PARD3: variants seen among roughly 807,000 people sequenced by gnomAD.
The protein encoded by PARD3 is partitioning defective 3 homolog.
Under a neutral mutation model 155.4 loss-of-function variants are expected in PARD3, and 75 were observed. The ratio of observed to expected loss-of-function variants is 0.48; its 90% CI spans 0.40 to 0.58. PARD3 has a LOEUF of 0.58. Ranked by LOEUF, PARD3 falls within the 20% of genes least tolerant of loss-of-function variation. PARD3 has a pLI of 0.00. For missense variants in PARD3, 1,642 were observed against 1,721.7 expected (o/e 0.95, Z 0.82); for synonymous variants, 576 against 610.5 (o/e 0.94, Z 0.83).
chr10:34,776,006 A>C (rs1352375740), intron 1 of PARD3, among the ~76,000 whole-genome samples: 2 of 152,126 alleles, frequency 1.3e-5, no homozygotes, highest in African/African-American at 4.8e-5. Context: ...AGAAGGATTG[A>C]TTGAGCTCAG....
At chr10:34,803,256 CA>C (rs1435788705) in intron 1 of PARD3, among the ~76,000 whole-genome samples, 222 of 88,198 alleles carry the variant, frequency 2.5e-3, no homozygotes, top group Middle Eastern at 0.016. Flanking sequence ...TAAATAATAA[CA>C]AAAAAAAAAA....
At chr10:34,145,247 A>T (rs1303180924) in intron 22 of PARD3, among the ~76,000 whole-genome samples, 588 of 56,374 alleles carry the variant, frequency 0.01, 6 homozygotes, top group African/African-American at 0.036. Flanking sequence ...TTTTTACAGG[A>T]TCTTCTCTTT....
chr10:34,267,627 G>A (rs1241659600), intron 22 of PARD3, among the ~76,000 whole-genome samples: 1 of 152,136 alleles, frequency 6.6e-6, no homozygotes, highest in African/African-American at 2.4e-5. Context: ...GTTACCTGTT[G>A]CATCTGCAAA....
chr10:34,810,870 C>T (rs1048075593), intron 1 of PARD3, among the ~76,000 whole-genome samples: 3 of 152,098 alleles, frequency 2.0e-5, no homozygotes, highest in Non-Finnish European at 4.4e-5. Flanking sequence ...AATGGGGCTC[C>T]GTAGGGTTGG....
At chr10:34,259,049 C>T (rs183340066) in intron 22 of PARD3, among the ~76,000 whole-genome samples, 3 of 151,772 alleles carry the variant, frequency 2.0e-5, no homozygotes, top group Admixed American at 1.3e-4. Context: ...GCTTGGGTGA[C>T]AGAGCAAGAT....
chr10:34,673,783 G>A (rs2093649469), intron 2 of PARD3, among the ~76,000 whole-genome samples: 4 of 151,274 alleles, frequency 2.6e-5, no homozygotes, highest in Admixed American at 1.3e-4. Context: ...AGACAGACAG[G>A]AAATTGAGAC....
At chr10:34,612,041 T>C (rs1171509376) in intron 2 of PARD3, among the ~76,000 whole-genome samples, 1 of 151,002 alleles carries the variant, frequency 6.6e-6, no homozygotes, top group Non-Finnish European at 1.5e-5. Flanking sequence ...TTAGCCAGGA[T>C]GGTCTCGATC....
At chr10:34,233,017 A>ATTTTTTTTTTTTTTTTTTTTTT (rs3039283) in intron 22 of PARD3, among the ~76,000 whole-genome samples, 1 of 96,194 alleles carries the variant, frequency 1.0e-5, no homozygotes, top group Non-Finnish European at 1.9e-5. Flanking sequence ...TCAAATGTTA[A>ATTTTTTTTTTTTTTTTTTTTTT]TTTTTTTTTT....
chr10:34,354,130 C>CAA (rs375279575), intron 14 of PARD3, among the ~76,000 whole-genome samples: 20 of 101,650 alleles, frequency 2.0e-4, no homozygotes, highest in Middle Eastern at 5.3e-3. Flanking sequence ...TGTCTTTCTT[C>CAA]AAAAAAAAAA....
At chr10:34,216,359 T>C (rs764067904) in intron 22 of PARD3, among the ~76,000 whole-genome samples, 1 of 152,216 alleles carries the variant, frequency 6.6e-6, no homozygotes, top group Admixed American at 6.5e-5. Context: ...GTAAGCAACA[T>C]TTTAGACAGC....
intron 2 of PARD3, among the ~76,000 whole-genome samples, chr10:34,539,013 C>T (rs2083417131): frequency 6.6e-6 from 1 of 152,218 alleles, no homozygotes; most frequent in South Asian, 2.1e-4. Context: ...AAAAGCAACT[C>T]TGAACCAATC....
chr10:34,695,477 CAAAA>C (rs60331770), intron 2 of PARD3, among the ~76,000 whole-genome samples: 1 of 109,556 alleles, frequency 9.1e-6, no homozygotes, highest in Non-Finnish European at 1.8e-5. Flanking sequence ...GACTCCATCT[CAAAA>C]AAAAAAAAAA....
intron 1 of PARD3, among the ~76,000 whole-genome samples, chr10:34,740,907 GAAC>G (rs1214774938): frequency 1.3e-5 from 2 of 152,056 alleles, no homozygotes; most frequent in African/African-American, 4.8e-5. Flanking sequence ...ATCACTATAT[GAAC>G]AATATGGTAG....
intron 1 of PARD3, among the ~76,000 whole-genome samples, chr10:34,749,466 A>G (rs1835718848): frequency 6.6e-6 from 1 of 151,546 alleles, no homozygotes; most frequent in Non-Finnish European, 1.5e-5. Flanking sequence ...AGGTTATAAA[A>G]AATATATAAT....
intron 1 of PARD3, among the ~76,000 whole-genome samples, chr10:34,804,428 T>G (rs187883617): frequency 6.6e-6 from 1 of 152,234 alleles, no homozygotes; most frequent in Non-Finnish European, 1.5e-5. Context: ...TTAATGAATT[T>G]AGTGATTAGT....
intron 2 of PARD3, among the ~76,000 whole-genome samples, chr10:34,545,690 G>A (rs2083989091): frequency 6.6e-6 from 1 of 152,110 alleles, no homozygotes; most frequent in Admixed American, 6.6e-5. Context: ...GAGTAACTGG[G>A]ATTACAGGTA....
At chr10:34,756,839 G>A (rs1223499104) in intron 1 of PARD3, among the ~76,000 whole-genome samples, 1 of 152,168 alleles carries the variant, frequency 6.6e-6, no homozygotes, top group Non-Finnish European at 1.5e-5. Flanking sequence ...CTGGTGAACA[G>A]GCTGAAAAGA....
chr10:34,560,715 T>C (rs149772236), intron 2 of PARD3, among the ~76,000 whole-genome samples: 2 of 152,254 alleles, frequency 1.3e-5, no homozygotes, highest in East Asian at 3.9e-4. Context: ...GGAGATGGGG[T>C]GGTTCCGGAA....
At chr10:34,410,110 C>A (rs1203889924) in intron 5 of PARD3, among the ~76,000 whole-genome samples, 1 of 152,100 alleles carries the variant, frequency 6.6e-6, no homozygotes, top group African/African-American at 2.4e-5. Context: ...CAACACCACC[C>A]TCTAGATAAA....
Sources: allele counts gnomAD v4.1 joint callset (sites outside exome capture counted in the v4.1 genomes callset), GRCh38; gene constraint gnomAD v4.1.1; transcripts MANE v1.5; gene names NCBI Gene and HGNC (gene_info 2026-07-23, HGNC 2026-07-21).